The following SETBP1 variants were observed in gnomAD, a reference collection of about 807,000 sequenced individuals.
SETBP1 encodes SET binding protein 1, also known as SET-binding protein.
A neutral mutation model predicts 101.0 loss-of-function variants in SETBP1; 9 were observed. The ratio of observed to expected loss-of-function variants is 0.09; its 90% CI spans 0.05 to 0.16. SETBP1 has a LOEUF of 0.16. SETBP1 is among the 10% of genes least tolerant of loss of function. The pLI is 1.00. For missense variants in SETBP1, 1,858 were observed against 2,033.8 expected (o/e 0.91, Z 1.66); for synonymous variants, 818 against 788.5 (o/e 1.04, Z -0.63).
intron 2 of SETBP1, among the ~76,000 whole-genome samples, chr18:44,773,211 G>A (rs1328992468): frequency 6.6e-6 from 1 of 152,114 alleles, no homozygotes; most frequent in Non-Finnish European, 1.5e-5. Context: ...TATACACTAA[G>A]GTGCCCTAGA....
intron 5 of SETBP1, among the ~76,000 whole-genome samples, chr18:45,061,304 C>G (rs551686910): frequency 2.0e-5 from 3 of 152,314 alleles, no homozygotes; most frequent in South Asian, 4.1e-4. Flanking sequence ...ATTCTTAAAT[C>G]TCTTTTATAT....
chr18:44,737,631 G>A (rs1191525269), intron 2 of SETBP1, among the ~76,000 whole-genome samples: 3 of 152,222 alleles, frequency 2.0e-5, no homozygotes, highest in African/African-American at 7.2e-5. Context: ...CACTTCACTA[G>A]GCCTGACTTC....
At chr18:44,876,153 T>C (rs943369244) in intron 3 of SETBP1, among the ~76,000 whole-genome samples, 2 of 152,226 alleles carry the variant, frequency 1.3e-5, no homozygotes, top group Non-Finnish European at 2.9e-5. Context: ...GGGAGAATCA[T>C]AGTGGTGTTT....
chr18:44,841,469 A>G (rs2072615260), intron 2 of SETBP1, among the ~76,000 whole-genome samples: 1 of 152,198 alleles, frequency 6.6e-6, no homozygotes, highest in South Asian at 2.1e-4. Flanking sequence ...AGCCACACTC[A>G]AGGGGAAAGG....
At chr18:44,963,129 T>C (rs2071646627) in intron 4 of SETBP1, among the ~76,000 whole-genome samples, 1 of 152,174 alleles carries the variant, frequency 6.6e-6, no homozygotes, top group African/African-American at 2.4e-5. Flanking sequence ...TCCTGGAATT[T>C]TCCTAGCATC....
chr18:44,914,191 A>C (rs2070377440), intron 3 of SETBP1, among the ~76,000 whole-genome samples: 1 of 152,196 alleles, frequency 6.6e-6, no homozygotes, highest in South Asian at 2.1e-4. Context: ...ACAGGTGTCA[A>C]CCCAAAGTAA....
rs16978180 is a variant in SETBP1 at position 44,807,029 on chromosome 18, G to A, written c.487-62201G>A. Among the ~76,000 whole-genome samples, 793 of 152,094 alleles carry A rather than the reference G, an allele frequency of 5.2e-3. 8 individuals carry two copies. The highest frequency in any genetic ancestry group is 0.018 in the African/African-American group (740 of 41,490). On this transcript the variant is annotated intron_variant, in intron 2 of 5. Transcript: ENST00000649279. The stretch of plus-strand genomic sequence containing the variant: ...CCCCAGAGAGCTAATATAGAACTGG[G>A]TTCAAAACTGCATTGAGTGTGTTAA...
intron 4 of SETBP1, among the ~76,000 whole-genome samples, chr18:44,966,546 C>T (rs182990856): frequency 4.3e-4 from 65 of 152,202 alleles, no homozygotes; most frequent in African/African-American, 1.4e-3. Context: ...GTCTTATTCA[C>T]CCAAATCAAA....
At chr18:44,999,104 AT>A (rs959058840) in intron 4 of SETBP1, among the ~76,000 whole-genome samples, 120 of 150,922 alleles carry the variant, frequency 8.0e-4, no homozygotes, top group African/African-American at 2.7e-3. Flanking sequence ...AGCTCACAGA[AT>A]TTTTTTTTTC....
intron 4 of SETBP1, chr18:44,987,507 C>A (rs1599414501): frequency 1.3e-5 from 2 of 152,318 alleles, no homozygotes; most frequent in South Asian, 2.1e-4. Flanking sequence ...CCACATTCTT[C>A]TAAATATCTG....
chr18:44,952,171 G>A lies in SETBP1; in HGVS notation c.2831G>A (p.Ser944Asn), dbSNP rs1217108018. Residue 944 changes from serine to asparagine, a missense_variant, in exon 4 of 6, where the codon AGC becomes AAC. This residue lies in a region of SETBP1 where 255 missense variants were observed against 300.1 expected (regional missense o/e 0.85). Transcript: ENST00000649279. ...CCAAAGCACAAGAGGAAACGGAAAA[G>A]CCTGCAAAACCGCGATGACCTCCAG... Reference protein sequence around the residue: ...KKPKHKRKRKSLQNRDDLQFL... With the variant: ...KKPKHKRKRKNLQNRDDLQFL... 1 of 1,614,148 alleles carries A rather than the reference G, an allele frequency of 6.2e-7. No homozygotes were observed. The highest frequency in any genetic ancestry group is 8.5e-7 in the Non-Finnish European group (1 of 1,180,030).
chr18:44,852,608 TC>T (rs1262893753), intron 2 of SETBP1, among the ~76,000 whole-genome samples: 1 of 152,188 alleles, frequency 6.6e-6, no homozygotes, highest in African/African-American at 2.4e-5. Context: ...ATTCATGGCC[TC>T]CATCCCATTT....
At chr18:45,003,448 C>T (rs1471999711) in intron 4 of SETBP1, among the ~76,000 whole-genome samples, 2 of 152,128 alleles carry the variant, frequency 1.3e-5, no homozygotes, top group African/African-American at 4.8e-5. Flanking sequence ...GGCCTTTGTC[C>T]TATTCAAGGA....
At chr18:44,706,723 T>C (rs1266163647) in intron 2 of SETBP1, among the ~76,000 whole-genome samples, 1 of 150,564 alleles carries the variant, frequency 6.6e-6, no homozygotes, top group African/African-American at 2.4e-5. Context: ...GACACCTGTC[T>C]AGATTCAACA....
At chr18:45,022,836 T>A (rs2073097220) in intron 4 of SETBP1, among the ~76,000 whole-genome samples, 1 of 152,116 alleles carries the variant, frequency 6.6e-6, no homozygotes, top group African/African-American at 2.4e-5. Flanking sequence ...TCTCAAAAAA[T>A]AAAAATAAGA....
intron 4 of SETBP1, among the ~76,000 whole-genome samples, chr18:45,010,790 T>G (rs1219729877): frequency 6.6e-6 from 1 of 152,248 alleles, no homozygotes; most frequent in Non-Finnish European, 1.5e-5. Context: ...TTACGACAAC[T>G]CTGTAAAGTT....
chr18:44,715,807 T>C (rs920288965), intron 2 of SETBP1, among the ~76,000 whole-genome samples: 2 of 152,340 alleles, frequency 1.3e-5, no homozygotes, highest in Admixed American at 1.3e-4. Flanking sequence ...TCTCCTCCTC[T>C]TCTCTTAATA....
At chr18:44,883,353 T>G (rs946996169) in intron 3 of SETBP1, among the ~76,000 whole-genome samples, 7 of 152,224 alleles carry the variant, frequency 4.6e-5, no homozygotes, top group African/African-American at 1.7e-4. Context: ...GAACATAAAT[T>G]CGGTTCTTGC....
chr18:44,740,471 C>T (rs375467310), intron 2 of SETBP1, among the ~76,000 whole-genome samples: 10 of 152,212 alleles, frequency 6.6e-5, no homozygotes, highest in East Asian at 3.9e-4. Context: ...AGAATTATTA[C>T]GAAGATGACA....
Sources: allele counts gnomAD v4.1 joint callset (sites outside exome capture counted in the v4.1 genomes callset), GRCh38; gene constraint gnomAD v4.1.1; regional missense constraint gnomAD v4.1.1; transcripts MANE v1.5; gene names NCBI Gene and HGNC (gene_info 2026-07-23, HGNC 2026-07-21).